CD6: variants seen among roughly 807,000 people sequenced by gnomAD.
CD6 encodes the protein CD6 molecule.
A neutral mutation model predicts 75.3 loss-of-function variants in CD6; 53 were observed. That is an observed-to-expected ratio of 0.70 (90% CI 0.56 to 0.88). The LOEUF (loss-of-function observed/expected upper bound fraction) is 0.88, where lower values mean the gene tolerates loss of function less well. Ranked by LOEUF, CD6 falls within the 40% of genes least tolerant of loss-of-function variation. CD6 has a pLI of 0.00. For synonymous variants in CD6, 359 were observed against 381.5 expected (o/e 0.94, Z 0.69); for missense variants, 770 against 897.1 (o/e 0.86, Z 1.81).
At chr11:60,978,740 T>C (rs553194443) in intron 1 of CD6, among the ~76,000 whole-genome samples, 1 of 152,256 alleles carries the variant, frequency 6.6e-6, no homozygotes, top group African/African-American at 2.4e-5. Flanking sequence ...TCGTATAGAA[T>C]CATGGACCCC....
intron 6 of CD6, 30 bp from the exon 7 acceptor site, chr11:61,013,389 CTCTT>C: frequency 1.9e-6 from 3 of 1,611,370 alleles, no homozygotes; most frequent in Non-Finnish European, 2.5e-6. Context: ...GTGCCCATTC[CTCTT>C]TCTTCCTGAA....
chr11:60,984,163 T>C (rs777247658), intron 1 of CD6, among the ~76,000 whole-genome samples: 4 of 152,206 alleles, frequency 2.6e-5, no homozygotes, highest in Non-Finnish European at 5.9e-5. Flanking sequence ...TCTTTGAGAA[T>C]ATGTAAATAT....
intron 1 of CD6, among the ~76,000 whole-genome samples, chr11:60,987,692 T>C (rs2135054462): frequency 6.7e-6 from 1 of 149,934 alleles, no homozygotes; most frequent in South Asian, 2.2e-4. Context: ...CTCAGGTTAT[T>C]TGGCAAAGGC....
intron 3 of CD6, 146 bp from the exon 4 acceptor site, chr11:61,008,388 G>A (rs934298364): frequency 1.6e-5 from 12 of 768,516 alleles, no homozygotes; most frequent in Middle Eastern, 3.9e-4. Flanking sequence ...TGCAGTCCTG[G>A]GGGGATTCCC....
At chr11:60,988,661 CTGA>C (rs1857924671) in intron 1 of CD6, among the ~76,000 whole-genome samples, 2 of 152,302 alleles carry the variant, frequency 1.3e-5, no homozygotes, top group Admixed American at 6.5e-5. Context: ...AGGATGGATG[CTGA>C]TGATGTCTGA....
rs79943890 is a variant in CD6 at position 60,989,573 on chromosome 11, G to A, written c.50-17001G>A. On this transcript the variant is annotated intron_variant, in intron 1 of 12. Coordinates refer to ENST00000313421, the MANE Select transcript of CD6 (RefSeq NM_006725.5). ...ACATCTGGCCTCCAGGCTGGACCAC[G>A]GGCTCTATTACCTTTACTTTCCACG... is the stretch of plus-strand genomic sequence containing the variant. Among the ~76,000 whole-genome samples the A allele has an allele frequency of 3.3e-5, 5 of 152,278 alleles. No homozygotes were observed. The South Asian group carries it at 6.2e-4, about 19-fold the overall frequency.
In CD6 at chr11:61,015,742, C is replaced by A. The variant is rs757012074; in HGVS notation, c.1417C>A (p.Pro473Thr). ...CATGCTGCCCATCCAGGTCCAGGCC[C>A]CGCCCCCTGAGGACTCAGACTCTGG... ...VFMLPIQVQA[P>T]PPEDSDSGSD... The change falls in exon 9 of 13, where the codon CCG becomes ACG. Residue 473 changes from proline to threonine, a missense_variant. By Grantham distance (38) the Pro-to-Thr change is conservative (BLOSUM62 -1). Coordinates refer to ENST00000313421, the MANE Select transcript of CD6 (RefSeq NM_006725.5). 7 of 1,614,234 alleles carry A rather than the reference C, an allele frequency of 4.3e-6. No individual in the cohort carries two copies. In the Admixed American group the frequency reaches 1.2e-4, roughly 27 times the overall value.
chr11:61,017,783 A>G lies in CD6; in HGVS notation c.1607A>G (p.His536Arg). The G allele has an allele frequency of 6.2e-7, 1 of 1,613,944 alleles. No homozygotes were observed. The highest frequency in any genetic ancestry group is 2.2e-5 in the East Asian group (1 of 44,880). Reference protein sequence around the residue: ...EEGLEELHASHIPTANPGHCI... With the variant: ...EEGLEELHASRIPTANPGHCI... Reference sequence around the variant, plus strand: ...GGACTTGAAGAGTTGCATGCCTCCCACATCCCAACTGCCAACCCTGGACAC... The same window carrying G: ...GGACTTGAAGAGTTGCATGCCTCCCGCATCCCAACTGCCAACCCTGGACAC... The change falls in exon 11 of 13, where the codon CAC becomes CGC. Residue 536 changes from histidine (H) to arginine (R), a missense_variant. By Grantham distance (29) the His-to-Arg change is conservative. Coordinates refer to ENST00000313421, the MANE Select transcript of CD6 (RefSeq NM_006725.5).
At chr11:60,998,407 T>A (rs1255628010) in intron 1 of CD6, among the ~76,000 whole-genome samples, 1 of 152,160 alleles carries the variant, frequency 6.6e-6, no homozygotes, top group African/African-American at 2.4e-5. Context: ...CTGGACAAGA[T>A]CAAAATCTCA....
chr11:61,003,497 C>G (rs995651908), intron 1 of CD6, among the ~76,000 whole-genome samples: 8 of 152,118 alleles, frequency 5.3e-5, no homozygotes, highest in African/African-American at 1.9e-4. Flanking sequence ...ATTTGGGAGG[C>G]TGAGGTGGGC....
intron 1 of CD6, among the ~76,000 whole-genome samples, chr11:60,998,007 G>A (rs1858389010): frequency 6.6e-6 from 1 of 152,158 alleles, no homozygotes; most frequent in East Asian, 1.9e-4. Flanking sequence ...TGAGTGCTTT[G>A]TGTACCATGG....
intron 1 of CD6, among the ~76,000 whole-genome samples, chr11:61,000,656 A>C (rs1858536501): frequency 6.6e-6 from 1 of 152,134 alleles, no homozygotes; most frequent in Non-Finnish European, 1.5e-5. Context: ...CTTTCCCTCG[A>C]TGTCTATGCC....
At chr11:61,015,479 G>A in intron 8 of CD6, 1 of 485,926 alleles carries the variant, frequency 2.1e-6, no homozygotes, top group Non-Finnish European at 3.7e-6. Flanking sequence ...GCTGAGGTGG[G>A]AGGATCGCCT....
chr11:60,985,656 T>C (rs915032468), intron 1 of CD6, among the ~76,000 whole-genome samples: 1 of 152,146 alleles, frequency 6.6e-6, no homozygotes, highest in African/African-American at 2.4e-5. Context: ...TGTCTCTCCA[T>C]TCATTAAGAA....
chr11:60,999,532 A>G (rs1208066938), intron 1 of CD6, among the ~76,000 whole-genome samples: 2 of 151,908 alleles, frequency 1.3e-5, no homozygotes, highest in African/African-American at 4.8e-5. Flanking sequence ...GTACAACCAT[A>G]CTTATAACAT....
At chr11:60,982,844 C>T (rs1857631439) in intron 1 of CD6, 2 of 415,956 alleles carry the variant, frequency 4.8e-6, no homozygotes, top group Admixed American at 2.6e-5. Flanking sequence ...GGACTCTTTC[C>T]AGGGCCTCTT....
Position 61,009,773 on chromosome 11 carries a change from A to T in CD6, c.983A>T (p.Tyr328Phe). The T allele has an allele frequency of 6.2e-7, 1 of 1,613,334 alleles. No homozygotes were observed. The highest frequency in any genetic ancestry group is 8.5e-7 in the Non-Finnish European group (1 of 1,179,734). Reference sequence around the variant, plus strand: ...CACTCCTTGTCCGGCAGGATGTACTACTCATGCAATGGGGAGGAGCTCACC... The same window carrying T: ...CACTCCTTGTCCGGCAGGATGTACTTCTCATGCAATGGGGAGGAGCTCACC... ...LPHSLSGRMY[Y>F]SCNGEELTLS... Residue 328 changes from tyrosine to phenylalanine, a missense_variant, in exon 5 of 13, where the codon TAC becomes TTC. By Grantham distance (22) the Tyr-to-Phe change is conservative (BLOSUM62 3). Transcript: ENST00000313421.
At chr11:60,997,419 A>C (rs1247322488) in intron 1 of CD6, among the ~76,000 whole-genome samples, 1 of 150,764 alleles carries the variant, frequency 6.6e-6, no homozygotes, top group Non-Finnish European at 1.5e-5. Flanking sequence ...AAAAATAATA[A>C]ATAAATAAAT....
At position 61,008,568 on chromosome 11, in the gene CD6, CGCCT is replaced by C; in HGVS notation, c.507_510del (p.Cys170ProfsTer58). The C allele has an allele frequency of 2.5e-6, 4 of 1,606,420 alleles. No individual in the cohort carries two copies. Among genetic ancestry groups the C allele is most frequent in the Non-Finnish European group, 2.5e-6 (3 of 1,177,038 alleles). On this transcript the variant is annotated frameshift_variant, in exon 4 of 13. Coordinates refer to ENST00000313421, the MANE Select transcript of CD6 (RefSeq NM_006725.5). LOFTEE classifies it high-confidence loss of function. ...CGCTGCGCCTGGTGGACGGTGGCGG[CGCCT>C]GCGCCGGCCGCGTGGAGATGCTGGA...
Sources: gnomAD v4.1 joint callset for allele counts (sites outside exome capture counted in the v4.1 genomes callset) on GRCh38, gnomAD v4.1.1 for gene constraint, MANE v1.5 for transcripts, NCBI Gene and HGNC (gene_info 2026-07-23, HGNC 2026-07-21) for gene names.